Variants in SSPN observed in about 807,000 individuals in gnomAD.
SSPN encodes the protein sarcospan.
A neutral mutation model predicts 19.1 loss-of-function variants in SSPN; 15 were observed. The observed-to-expected ratio is 0.78, with a 90% confidence interval of 0.52 to 1.21. The LOEUF is 1.21. SSPN is among the 50% of genes most tolerant of loss of function. The probability of loss-of-function intolerance (pLI) is 0.00; values close to 1 mark genes in which losing one functional copy is unlikely to be tolerated. For missense variants in SSPN, 291 were observed against 314.0 expected (o/e 0.93, Z 0.55); for synonymous variants, 147 against 140.3 (o/e 1.05, Z -0.34).
chr12:26,145,700 A>C (rs1944486117), intron 1 of SSPN, among the ~76,000 whole-genome samples: 1 of 152,186 alleles, frequency 6.6e-6, no homozygotes, highest in Admixed American at 6.5e-5. Context: ...ATGAGGCAAG[A>C]ATGGCGCCAC....
intron 1 of SSPN, among the ~76,000 whole-genome samples, chr12:26,170,509 A>G (rs1944647985): frequency 6.6e-6 from 1 of 152,230 alleles, no homozygotes; most frequent in Admixed American, 6.5e-5. Context: ...GATCCAAACA[A>G]TTGGATTGAT....
At chr12:26,169,594 T>C (rs542276722) in intron 1 of SSPN, among the ~76,000 whole-genome samples, 1 of 60,852 alleles carries the variant, frequency 1.6e-5, no homozygotes, top group Non-Finnish European at 3.0e-5. Context: ...TATATATATA[T>C]TTTTTTTTCT....
At chr12:26,122,660 G>A in intron 1 of SSPN, 1 of 1,396,558 alleles carries the variant, frequency 7.2e-7, no homozygotes, top group Non-Finnish European at 9.3e-7. Flanking sequence ...TGCCGCCGCC[G>A]CGGGAATCCA....
chr12:26,220,247 CAAAAAA>C (rs58022147), intron 1 of SSPN, among the ~76,000 whole-genome samples: 4 of 114,470 alleles, frequency 3.5e-5, no homozygotes, highest in Non-Finnish European at 6.8e-5. Flanking sequence ...AAGCTGTAGG[CAAAAAA>C]AAAAAAAAAA....
intron 1 of SSPN, chr12:26,125,031 G>A: frequency 1.7e-6 from 1 of 583,784 alleles, no homozygotes; most frequent in Non-Finnish European, 3.1e-6. Flanking sequence ...ACTCCAGGCA[G>A]TGTTTGGCCA....
At chr12:26,151,839 C>T (rs1184892833) in intron 1 of SSPN, among the ~76,000 whole-genome samples, 1 of 152,130 alleles carries the variant, frequency 6.6e-6, no homozygotes, top group Non-Finnish European at 1.5e-5. Context: ...TCCTCATGTG[C>T]CCCTGCGTGG....
chr12:26,206,860 TG>T (rs1054963733), intron 1 of SSPN, among the ~76,000 whole-genome samples: 1 of 152,240 alleles, frequency 6.6e-6, no homozygotes, highest in Non-Finnish European at 1.5e-5. Context: ...GATTAGTTTT[TG>T]GTAAGTCATC....
chr12:26,232,062 G>A lies in SSPN; in HGVS notation c.*986G>A, dbSNP rs576928981. ...AAAACACCCATTTAAACAAAAACAA[G>A]AGCATTTGTAATAGGAAGTGTTTAT... On this transcript the variant is annotated 3_prime_UTR_variant, in exon 3 of 3. Transcript: ENST00000242729. 1.0e-6 allele frequency: 1 copy of A among 985,246 alleles called. No homozygotes were observed. Among genetic ancestry groups the A allele is most frequent in the South Asian group, 4.7e-5 (1 of 21,270 alleles). 61.0% of individuals were successfully genotyped at this position (985,246 alleles called of 1,614,324 possible). A position where few individuals can be genotyped will look rare whatever the true frequency, so the allele number is the denominator to read the frequency against.
At chr12:26,164,443 G>A (rs73084753) in intron 1 of SSPN, among the ~76,000 whole-genome samples, 19,546 of 152,214 alleles carry the variant, frequency 0.13, 1,293 homozygotes, top group Middle Eastern at 0.18. Flanking sequence ...GGGAGGCCGA[G>A]GTGGAAGGAT....
chr12:26,220,160 A>G (rs1401976504), intron 1 of SSPN, among the ~76,000 whole-genome samples: 2 of 151,912 alleles, frequency 1.3e-5, no homozygotes, highest in Admixed American at 6.6e-5. Flanking sequence ...CAGTACCAGT[A>G]AAGCCTACCC....
At chr12:26,191,339 A>G (rs559155517), upstream of SSPN, among the ~76,000 whole-genome samples, 7 of 152,336 alleles carry the variant, frequency 4.6e-5, no homozygotes, top group South Asian at 1.2e-3. Flanking sequence ...GAAAAAGTTA[A>G]GCCAGGTATG....
At chr12:26,193,222 T>C (rs758758062), upstream of SSPN, among the ~76,000 whole-genome samples, 5 of 152,230 alleles carry the variant, frequency 3.3e-5, no homozygotes, top group Non-Finnish European at 5.9e-5. Flanking sequence ...TGTTTGCCTA[T>C]AGGCAATATA....
At chr12:26,124,722 TAAA>T (rs1944347986) in intron 1 of SSPN, 1 of 1,614,074 alleles carries the variant, frequency 6.2e-7, no homozygotes, top group Admixed American at 1.7e-5. Flanking sequence ...CCTTACCCTA[TAAA>T]ATCTCTATGT....
At chr12:26,195,465 T>G (rs927967072), upstream of SSPN, 2 of 878,800 alleles carry the variant, frequency 2.3e-6, no homozygotes, top group Non-Finnish European at 3.0e-6. Flanking sequence ...TCCCGGCGCG[T>G]TGGCAGTTGG....
At chr12:26,204,525 AGGTGGCT>A (rs921982958) in intron 1 of SSPN, among the ~76,000 whole-genome samples, 2 of 151,990 alleles carry the variant, frequency 1.3e-5, no homozygotes, top group African/African-American at 4.8e-5. Flanking sequence ...TCTGATGCAA[AGGTGGCT>A]GGCTGAGTGG....
chr12:26,184,019 C>A (rs938866332), intron 1 of SSPN, among the ~76,000 whole-genome samples: 1 of 152,174 alleles, frequency 6.6e-6, no homozygotes, highest in Non-Finnish European at 1.5e-5. Flanking sequence ...TGCGTGGACA[C>A]CTGAGGAGAA....
chr12:26,124,189 T>G (rs765418587), intron 1 of SSPN: 8 of 1,538,912 alleles, frequency 5.2e-6, no homozygotes, highest in Middle Eastern at 1.7e-4. Context: ...CCTTAATATA[T>G]GAGAGTCATG....
chr12:26,230,647 C>G, intron 2 of SSPN, 64 bp from the exon 3 acceptor site: 2 of 1,515,208 alleles, frequency 1.3e-6, no homozygotes, highest in Non-Finnish European at 1.8e-6. Context: ...TTGATGAATT[C>G]GCTTTGCAAA....
intron 1 of SSPN, among the ~76,000 whole-genome samples, chr12:26,155,183 A>G (rs186594207): frequency 2.0e-5 from 3 of 152,332 alleles, no homozygotes; most frequent in African/African-American, 7.2e-5. Flanking sequence ...GTATACAGAA[A>G]GGCCATTGGG....
Sources: gnomAD v4.1 joint callset for allele counts (sites outside exome capture counted in the v4.1 genomes callset) on GRCh38, gnomAD v4.1.1 for gene constraint, MANE v1.5 for transcripts, NCBI Gene and HGNC (gene_info 2026-07-23, HGNC 2026-07-21) for gene names.